FBXO5: variants seen among roughly 807,000 people sequenced by gnomAD.
FBXO5 encodes F-box protein 5, also known as F-box only protein 5.
Under a neutral mutation model 43.3 loss-of-function variants are expected in FBXO5, and 8 were observed. The ratio of observed to expected loss-of-function variants is 0.18; its 90% CI spans 0.11 to 0.33. The LOEUF is 0.33. FBXO5 is among the 10% of genes least tolerant of loss of function. The pLI is 1.00. For synonymous variants in FBXO5, 204 were observed against 193.7 expected, an observed-to-expected ratio of 1.05 and a Z score of -0.44; for missense variants, 491 against 535.7, an observed-to-expected ratio of 0.92 and a Z score of 0.82.
At chr6:152,977,838 G>T (rs1170480664) in intron 1 of FBXO5, among the ~76,000 whole-genome samples, 1 of 152,206 alleles carries the variant, frequency 6.6e-6, no homozygotes, top group Non-Finnish European at 1.5e-5. Context: ...GCTGTCTTTA[G>T]AACAGTTACT....
chr6:152,974,771 A>G (rs1363867236), intron 2 of FBXO5, 136 bp downstream of exon 2: 4 of 678,728 alleles, frequency 5.9e-6, no homozygotes, highest in Non-Finnish European at 9.6e-6. Context: ...AACATCTGAA[A>G]TCCTTCTGGT....
In FBXO5 at chr6:152,975,653, T is replaced by C. The variant is rs1331220451; in HGVS notation, c.104-32A>G. 4 of 1,435,962 alleles carry C rather than the reference T, an allele frequency of 2.8e-6. No individual in the cohort carries two copies. In the East Asian group the frequency reaches 9.1e-5, roughly 33 times the overall value. 89.0% of individuals were successfully genotyped at this position (1,435,962 alleles called of 1,614,324 possible). A position where few individuals can be genotyped will look rare whatever the true frequency, so the allele number is the denominator to read the frequency against. On this transcript the variant is annotated intron_variant, in intron 1 of 4. Transcript: ENST00000229758. Reference sequence around the variant, plus strand: ...AAAGAACATAACATTTACATCTTAATGGCAAAATTTCCACACATCCCTACT... The same window carrying C: ...AAAGAACATAACATTTACATCTTAACGGCAAAATTTCCACACATCCCTACT...
chr6:152,982,078 A>G (rs1447919319), intron 1 of FBXO5, among the ~76,000 whole-genome samples: 1 of 152,250 alleles, frequency 6.6e-6, no homozygotes, highest in African/African-American at 2.4e-5. Context: ...CTTTTTTTAA[A>G]GTCTTCCCTT....
Sources: allele counts gnomAD v4.1 joint callset (sites outside exome capture counted in the v4.1 genomes callset), GRCh38; gene constraint gnomAD v4.1.1; transcripts MANE v1.5; gene names NCBI Gene and HGNC (gene_info 2026-07-23, HGNC 2026-07-21).